PGR: variants seen among roughly 807,000 people sequenced by gnomAD.
The protein encoded by PGR is progesterone receptor.
In PGR, 25 loss-of-function variants were observed where a neutral mutation model predicts 76.1. The observed-to-expected ratio is 0.33, with a 90% CI of 0.24 to 0.46. PGR has a LOEUF of 0.46. PGR is among the 20% of genes least tolerant of loss of function. The pLI, the probability that PGR is intolerant of heterozygous loss-of-function variation, is 1.00. For missense variants in PGR, 1,172 were observed against 1,225.3 expected, an observed-to-expected ratio of 0.96 and a Z score of 0.65; for synonymous variants, 579 against 535.0, an observed-to-expected ratio of 1.08 and a Z score of -1.14.
intron 6 of PGR, among the ~76,000 whole-genome samples, chr11:101,045,929 C>T (rs1260471324): frequency 1.3e-5 from 2 of 151,892 alleles, no homozygotes; most frequent in Admixed American, 1.3e-4. Context: ...TATGGTGTTC[C>T]ATAGAGGCTG....
Position 101,062,657 on chromosome 11 carries a change from C to T in PGR, c.2002G>A (p.Ala668Thr), listed in dbSNP as rs141772024. 18 of 1,613,868 alleles carry T rather than the reference C, an allele frequency of 1.1e-5. No individual in the cohort carries two copies. In the East Asian group the frequency reaches 1.8e-4, roughly 16 times the overall value. The part of the protein sequence containing the change: ...QPVGVPNESQ[A>T]LSQRFTFSPG... ...GAAAAAGTGAATCTCTGGCTTAGGG[C>T]TTGGCTTTCATTTGGAACGCCCACT... Residue 668 changes from alanine to threonine, a missense_variant, in exon 4 of 8, where the codon GCC becomes ACC. Ala to Thr is a moderately conservative substitution (Grantham distance 58). Transcript: ENST00000325455.
chr11:101,046,777 A>AT, intron 6 of PGR, among the ~76,000 whole-genome samples: 1 of 152,060 alleles, frequency 6.6e-6, no homozygotes, highest in Non-Finnish European at 1.5e-5. Context: ...CTTAACATTT[A>AT]TTTGTTTCAG....
At chr11:101,041,765 T>A (rs931408057) in intron 7 of PGR, 180 bp downstream of exon 7, 5 of 594,342 alleles carry the variant, frequency 8.4e-6, no homozygotes, top group Non-Finnish European at 1.2e-5. Flanking sequence ...ATTTGAGTGG[T>A]CTATATTGAA....
chr11:101,096,821 A>G (rs601040), intron 2 of PGR, among the ~76,000 whole-genome samples: 132,219 of 152,176 alleles, frequency 0.87, 58,128 homozygotes, highest in East Asian at 0.99. Context: ...TCTTCTCCTC[A>G]GTCCAACATA....
chr11:101,044,595 A>G (rs1859800480), intron 6 of PGR, among the ~76,000 whole-genome samples: 1 of 151,534 alleles, frequency 6.6e-6, no homozygotes, highest in Admixed American at 6.6e-5. Flanking sequence ...TCAACTTTTG[A>G]CATGCCTTCC....
At chr11:101,113,219 T>C (rs1862396735) in intron 2 of PGR, among the ~76,000 whole-genome samples, 1 of 152,144 alleles carries the variant, frequency 6.6e-6, no homozygotes, top group Admixed American at 6.5e-5. Flanking sequence ...ATCATGAACA[T>C]TATCTTTAAC....
chr11:101,051,837 C>A (rs550382), intron 4 of PGR, among the ~76,000 whole-genome samples: 41,501 of 151,886 alleles, frequency 0.27, 5,895 homozygotes, highest in African/African-American at 0.36. Flanking sequence ...CTCATTCATG[C>A]AACACCCATT....
At chr11:101,115,747 C>T (rs11224599) in intron 2 of PGR, among the ~76,000 whole-genome samples, 46,701 of 151,660 alleles carry the variant, frequency 0.31, 7,342 homozygotes, top group African/African-American at 0.32. Context: ...TCAGCCTGGG[C>T]TACAGAGCGG....
intron 7 of PGR, 92 bp downstream of exon 7, chr11:101,041,853 A>C: frequency 8.7e-7 from 1 of 1,145,574 alleles, no homozygotes; most frequent in South Asian, 1.3e-5. Context: ...ATCTGAGAAA[A>C]TCATACAAAG....
chr11:101,111,587 T>C (rs1862344207), intron 2 of PGR, among the ~76,000 whole-genome samples: 1 of 152,168 alleles, frequency 6.6e-6, no homozygotes, highest in Non-Finnish European at 1.5e-5. Context: ...TCTGGGTCCC[T>C]TTCTTAGATA....
intron 3 of PGR, among the ~76,000 whole-genome samples, chr11:101,071,054 G>A (rs576216204): frequency 1.0e-3 from 157 of 152,292 alleles, no homozygotes; most frequent in African/African-American, 3.7e-3. Context: ...GGGGTCGACA[G>A]ACACCTCACA....
intron 1 of PGR, 108 bp from the exon 2 acceptor site, chr11:101,126,266 G>A: frequency 2.0e-6 from 2 of 998,784 alleles, no homozygotes; most frequent in South Asian, 1.4e-5. Context: ...TTTAAAAACA[G>A]AACTGTATAT....
chr11:101,115,755 C>T (rs546379256), intron 2 of PGR, among the ~76,000 whole-genome samples: 35 of 144,986 alleles, frequency 2.4e-4, no homozygotes, highest in African/African-American at 8.1e-4. Context: ...GGCTACAGAG[C>T]GGGGACTCCC....
At chr11:101,074,901 A>C (rs1348201310) in intron 3 of PGR, among the ~76,000 whole-genome samples, 2 of 152,206 alleles carry the variant, frequency 1.3e-5, no homozygotes, top group Non-Finnish European at 2.9e-5. Context: ...ATACTGACCA[A>C]AGTAATTTAT....
intron 2 of PGR, among the ~76,000 whole-genome samples, chr11:101,122,119 C>T (rs1463520807): frequency 7.1e-6 from 1 of 140,046 alleles, no homozygotes; most frequent in African/African-American, 2.6e-5. Context: ...CACACCACTG[C>T]ACTCCAGCAT....
rs571395508 is a variant in PGR, at chr11:101,055,631, ATTTGT to A, written c.2213-4068_2213-4064del. On this transcript the variant is annotated intron_variant, in intron 4 of 7. Coordinates refer to ENST00000325455, the MANE Select transcript of PGR (RefSeq NM_000926.4). ...TATGCTGTAATTTTTCACTTCAGGC[ATTTGT>A]TTTATGTTAACCTTTGAGTAGTTTT... 3.2e-4 allele frequency among the ~76,000 whole-genome samples: 48 copies of A among 152,230 alleles called. No individual in the cohort carries two copies. In the South Asian group the frequency reaches 1.0e-2, roughly 32 times the overall value.
chr11:101,046,347 T>G, intron 6 of PGR, among the ~76,000 whole-genome samples: 4 of 134,234 alleles, frequency 3.0e-5, no homozygotes, highest in Admixed American at 1.6e-4. Context: ...AGAGACGGGG[T>G]TTTCCAAGTT....
intron 3 of PGR, among the ~76,000 whole-genome samples, chr11:101,068,683 G>T (rs1860810746): frequency 6.6e-6 from 1 of 151,812 alleles, no homozygotes. Context: ...TAGAACAATA[G>T]AACAGAACAG....
intron 2 of PGR, among the ~76,000 whole-genome samples, chr11:101,111,898 A>T (rs188136330): frequency 2.6e-5 from 4 of 152,296 alleles, no homozygotes; most frequent in African/African-American, 4.8e-5. Flanking sequence ...AAGAGGACCA[A>T]ATACTCAGAA....
Sources: gnomAD v4.1 joint callset for allele counts (sites outside exome capture counted in the v4.1 genomes callset) on GRCh38, gnomAD v4.1.1 for gene constraint, MANE v1.5 for transcripts, NCBI Gene and HGNC (gene_info 2026-07-23, HGNC 2026-07-21) for gene names.